ASCC3: variants seen among roughly 807,000 people sequenced by gnomAD.
ASCC3 encodes the protein ASC-1 complex subunit P200.
A neutral mutation model predicts 256.3 loss-of-function variants in ASCC3; 158 were observed. The ratio of observed to expected loss-of-function variants is 0.62; its 90% confidence interval spans 0.54 to 0.70. The LOEUF (loss-of-function observed/expected upper bound fraction) is 0.70, where lower values mean the gene tolerates loss of function less well. Ranked by LOEUF, ASCC3 falls within the 30% of genes least tolerant of loss-of-function variation. The pLI is 0.00. For synonymous variants in ASCC3, 948 were observed against 883.4 expected (o/e 1.07, Z -1.30); for missense variants, 2,259 against 2,626.0 (o/e 0.86, Z 3.05).
At chr6:100,828,660 G>A (rs937340665) in intron 4 of ASCC3, among the ~76,000 whole-genome samples, 2 of 152,070 alleles carry the variant, frequency 1.3e-5, no homozygotes, top group Admixed American at 6.6e-5. Context: ...CTCTTAAGGC[G>A]GTGCATCTGG....
chr6:100,773,912 T>G (rs1562287190), intron 8 of ASCC3, among the ~76,000 whole-genome samples: 1 of 152,208 alleles, frequency 6.6e-6, no homozygotes, highest in Non-Finnish European at 1.5e-5. Flanking sequence ...GCAAAAGCCC[T>G]ATATTCAACT....
chr6:100,813,704 A>C (rs1196712669), intron 4 of ASCC3, among the ~76,000 whole-genome samples: 1 of 152,004 alleles, frequency 6.6e-6, no homozygotes, highest in Admixed American at 6.6e-5. Flanking sequence ...GGAATACAGA[A>C]TGGAGAGATG....
intron 4 of ASCC3, among the ~76,000 whole-genome samples, chr6:100,816,955 T>C (rs1297607401): frequency 6.6e-6 from 1 of 151,292 alleles, no homozygotes; most frequent in Non-Finnish European, 1.5e-5. Flanking sequence ...AAAAAAGAAA[T>C]ATAGGATTGA....
At chr6:100,597,709 A>T (rs891963564) in intron 34 of ASCC3, among the ~76,000 whole-genome samples, 5 of 151,450 alleles carry the variant, frequency 3.3e-5, no homozygotes, top group African/African-American at 1.2e-4. Context: ...GTGGTGGCTT[A>T]TGCCTGTAGT....
intron 27 of ASCC3, among the ~76,000 whole-genome samples, 199 bp downstream of exon 27, chr6:100,628,814 TTA>T (rs1436138560): frequency 5.3e-5 from 8 of 152,196 alleles, no homozygotes; most frequent in African/African-American, 1.7e-4. Context: ...AGAAAATTTT[TTA>T]TGTTTCACCT....
chr6:100,859,135 A>G, intron 3 of ASCC3: 1 of 780,018 alleles, frequency 1.3e-6, no homozygotes, highest in Non-Finnish European at 2.4e-6. Flanking sequence ...ATCTGTCAGA[A>G]GCTCTGCTCA....
At chr6:100,879,113 T>C (rs1769152193) in intron 1 of ASCC3, among the ~76,000 whole-genome samples, 1 of 152,182 alleles carries the variant, frequency 6.6e-6, no homozygotes, top group Non-Finnish European at 1.5e-5. Context: ...ACCAATTTAT[T>C]ATAAAGGATA....
intron 8 of ASCC3, among the ~76,000 whole-genome samples, chr6:100,771,866 GTTTTTTTTTTTTT>G (rs57465763): frequency 1.2e-4 from 11 of 91,840 alleles, no homozygotes; most frequent in Non-Finnish European, 2.0e-4. Context: ...CAATCTGCAA[GTTTTTTTTTTTTT>G]TTTTTTTTTT....
intron 5 of ASCC3, among the ~76,000 whole-genome samples, chr6:100,803,792 G>A (rs532048074): frequency 6.6e-6 from 1 of 152,218 alleles, no homozygotes; most frequent in East Asian, 1.9e-4. Flanking sequence ...AATTATAGCT[G>A]TTTTTATCAT....
chr6:100,653,581 T>A (rs977511249), intron 17 of ASCC3, among the ~76,000 whole-genome samples: 1 of 151,390 alleles, frequency 6.6e-6, no homozygotes, highest in African/African-American at 2.4e-5. Context: ...GAGGTTGCAG[T>A]GAGCCAAGAT....
chr6:100,696,233 GCTA>G (rs1417378766), intron 13 of ASCC3, among the ~76,000 whole-genome samples: 4 of 151,888 alleles, frequency 2.6e-5, no homozygotes, highest in Admixed American at 6.6e-5. Context: ...ACTTAAATAT[GCTA>G]CTATGAAAAC....
At chr6:100,869,717 A>C (rs985819492) in intron 1 of ASCC3, among the ~76,000 whole-genome samples, 1 of 152,172 alleles carries the variant, frequency 6.6e-6, no homozygotes, top group Non-Finnish European at 1.5e-5. Context: ...TACCTCTCAA[A>C]AGATTGACAG....
At chr6:100,825,719 C>T (rs1012110094) in intron 4 of ASCC3, among the ~76,000 whole-genome samples, 2 of 152,108 alleles carry the variant, frequency 1.3e-5, no homozygotes, top group African/African-American at 4.8e-5. Context: ...TTCCATTCTC[C>T]CCGTCACTTT....
At chr6:100,760,491 G>T (rs1369328045) in intron 10 of ASCC3, among the ~76,000 whole-genome samples, 1 of 152,174 alleles carries the variant, frequency 6.6e-6, no homozygotes, top group East Asian at 1.9e-4. Context: ...CTTGATCGTT[G>T]TGGATAAGTT....
intron 4 of ASCC3, among the ~76,000 whole-genome samples, chr6:100,824,696 AAG>A (rs1276854069): frequency 7.0e-6 from 1 of 142,326 alleles, no homozygotes; most frequent in Non-Finnish European, 1.5e-5. Context: ...AAAATAAATT[AAG>A]AGTATTAATA....
intron 10 of ASCC3, among the ~76,000 whole-genome samples, chr6:100,758,337 C>T (rs1352469090): frequency 1.3e-5 from 2 of 152,078 alleles, no homozygotes; most frequent in African/African-American, 2.4e-5. Context: ...GTTTCCTGCA[C>T]CTATTGACCC....
At chr6:100,717,654 T>C (rs768224251) in intron 12 of ASCC3, among the ~76,000 whole-genome samples, 21 of 152,072 alleles carry the variant, frequency 1.4e-4, no homozygotes, top group Non-Finnish European at 2.5e-4. Flanking sequence ...GTTGCTACTA[T>C]GATATTATTT....
At chr6:100,553,693 T>G (rs907664373) in intron 36 of ASCC3, among the ~76,000 whole-genome samples, 1 of 152,008 alleles carries the variant, frequency 6.6e-6, no homozygotes, top group Non-Finnish European at 1.5e-5. Flanking sequence ...GTTTTTAGAT[T>G]GCAAAAGAAA....
At chr6:100,521,450 C>A (rs974430450) in intron 37 of ASCC3, among the ~76,000 whole-genome samples, 5 of 152,132 alleles carry the variant, frequency 3.3e-5, no homozygotes, top group African/African-American at 9.7e-5. Context: ...TGCTGTCACA[C>A]CTCAAACTGC....
Sources: allele counts gnomAD v4.1 joint callset (sites outside exome capture counted in the v4.1 genomes callset), GRCh38; gene constraint gnomAD v4.1.1; transcripts MANE v1.5; gene names NCBI Gene and HGNC (gene_info 2026-07-23, HGNC 2026-07-21).